The following PER3 variants were observed in gnomAD, a reference collection of about 807,000 sequenced individuals.
PER3 encodes the protein period circadian regulator 3.
Under a neutral mutation model 127.2 loss-of-function variants are expected in PER3, and 107 were observed. That is an observed-to-expected ratio of 0.84 (90% CI 0.72 to 0.99). The LOEUF (loss-of-function observed/expected upper bound fraction) is 0.99, where lower values mean the gene tolerates loss of function less well. Among genes scored for constraint, PER3 ranks in the 50% least tolerant of loss-of-function variants. The pLI is 0.00. For missense variants in PER3, 1,560 were observed against 1,525.8 expected, an observed-to-expected ratio of 1.02 and a Z score of -0.37; for synonymous variants, 618 against 585.8, an observed-to-expected ratio of 1.05 and a Z score of -0.79.
At position 7,784,699 on chromosome 1, in the gene PER3, G is replaced by T; in HGVS notation, c.-179G>T. On this transcript the variant is annotated 5_prime_UTR_variant, in exon 2 of 22. Transcript: ENST00000377532. ...GCGAGCTCCGGGTTTTGAAAATGTT[G>T]GAGGGAAAAGCTCCTCGGAGATGAG... 3.6e-6 allele frequency: 2 copies of T among 557,568 alleles called. No homozygotes were observed. Among genetic ancestry groups the T allele is most frequent in the Non-Finnish European group, 5.8e-6 (2 of 347,378 alleles). The allele number at this position is 557,568 out of a possible 1,614,324, so 34.5% of individuals were successfully genotyped here. A position where few individuals can be genotyped will look rare whatever the true frequency, so the allele number is the denominator to read the frequency against.
Position 7,803,763 on chromosome 1 carries a change from A to T in PER3, c.1051A>T (p.Ile351Phe). Residue 351 changes from isoleucine to phenylalanine, a missense_variant, in exon 10 of 22, where the codon ATC becomes TTC. By Grantham distance (21) the Ile-to-Phe change is conservative. Coordinates refer to ENST00000377532, the MANE Select transcript of PER3 (RefSeq NM_001377275.1). ...ATTTTGTACTCAAAACGGAGACTAC[A>T]TCATACTGGATTCCAGTTGGTCCAG... ...IRFCTQNGDYIILDSSWSSFV... is the reference protein window; with the variant it reads ...IRFCTQNGDYFILDSSWSSFV... 6.2e-7 allele frequency: 1 copy of T among 1,611,724 alleles called. No homozygotes were observed. The highest frequency in any genetic ancestry group is 8.5e-7 in the Non-Finnish European group (1 of 1,177,794).
intron 19 of PER3, among the ~76,000 whole-genome samples, chr1:7,831,128 A>G (rs111599939): frequency 6.6e-6 from 1 of 152,174 alleles, no homozygotes; most frequent in Non-Finnish European, 1.5e-5. Context: ...TAGGTCTTTA[A>G]TTCTTCTCAG....
chr1:7,826,383 A>G lies in PER3; in HGVS notation c.1958-97A>G. On this transcript the variant is annotated intron_variant, in intron 16 of 21. Coordinates refer to ENST00000377532, the MANE Select transcript of PER3 (RefSeq NM_001377275.1). The surrounding 1 kb of genome is among the most constrained non-coding windows in gnomAD (Gnocchi z 4.2). ...TTTTTCGTATTCCAGCAGTTATAAT[A>G]ATGTTTGTAAAAATGTATCAAAAGG... The G allele has an allele frequency of 1.4e-6, 1 of 702,766 alleles. No homozygotes were observed. Among genetic ancestry groups the G allele is most frequent in the East Asian group, 2.7e-5 (1 of 36,862 alleles). 43.5% of individuals were successfully genotyped at this position (702,766 alleles called of 1,614,324 possible).
At chr1:7,841,375 T>C (rs1010842901) in intron 21 of PER3, among the ~76,000 whole-genome samples, 3 of 152,026 alleles carry the variant, frequency 2.0e-5, no homozygotes, top group Non-Finnish European at 2.9e-5. Context: ...TCCCAGGGCT[T>C]ATTGATTCTT....
chr1:7,827,076 G>T (rs1166130305), intron 17 of PER3, 42 bp from the exon 18 acceptor site: 2 of 1,450,052 alleles, frequency 1.4e-6, no homozygotes, highest in African/African-American at 1.4e-5. Flanking sequence ...CTTCTTTTTG[G>T]GTTTAATTTT....
At chr1:7,835,650 TG>T in intron 19 of PER3, 111 bp from the exon 20 acceptor site, 1 of 690,250 alleles carries the variant, frequency 1.4e-6, no homozygotes, top group Non-Finnish European at 2.5e-6. Flanking sequence ...AAATGATGGT[TG>T]GGCTGGCTGA....
intron 18 of PER3, 142 bp downstream of exon 18, chr1:7,827,957 G>T (rs1000484374): frequency 1.3e-5 from 8 of 621,150 alleles, no homozygotes; most frequent in African/African-American, 3.7e-5. Context: ...GCCTAATTCT[G>T]TGTAAACATG....
intron 10 of PER3, among the ~76,000 whole-genome samples, chr1:7,807,852 G>T (rs375915273): frequency 6.6e-6 from 1 of 152,174 alleles, no homozygotes; most frequent in Non-Finnish European, 1.5e-5. Flanking sequence ...CCTGGAAAAG[G>T]TATTTAATCA....
chr1:7,798,591 T>C lies in PER3; in HGVS notation c.711T>C (p.His237=), dbSNP rs2097156333. The change falls in exon 7 of 22, where the codon CAT becomes CAC. Residue 237 remains histidine, a synonymous_variant. Coordinates refer to ENST00000377532, the MANE Select transcript of PER3 (RefSeq NM_001377275.1). Reference sequence around the variant, plus strand: ...TCCGGATCATCCCCTATCTGATTCATGTACATCACCCTGCCCAGCCAGAAT... The same window carrying C: ...TCCGGATCATCCCCTATCTGATTCACGTACATCACCCTGCCCAGCCAGAAT... ...SPFRIIPYLI[H]VHHPAQPELE... is the part of the protein sequence containing the mutation. 1 of 1,613,356 alleles carries C rather than the reference T, an allele frequency of 6.2e-7. No individual in the cohort carries two copies. Among genetic ancestry groups the C allele is most frequent in the Non-Finnish European group, 8.5e-7 (1 of 1,179,392 alleles).
At position 7,810,520 on chromosome 1, in the gene PER3, C is replaced by G; in HGVS notation, c.1454C>G (p.Ser485Ter). 6.2e-7 allele frequency: 1 copy of G among 1,613,666 alleles called. No homozygotes were observed. The highest frequency in any genetic ancestry group is 8.5e-7 in the Non-Finnish European group (1 of 1,179,842). Residue 485 changes from serine (S) to a stop codon, truncating the protein, a stop_gained, in exon 13 of 22, where the codon TCA becomes TGA. Transcript: ENST00000377532. LOFTEE classifies it high-confidence loss of function. The stretch of plus-strand genomic sequence containing the variant: ...CTCTACATTGAGTCAATGACCAAAT[C>G]ATCATTCAAGCCAGTGACGGGGACA... ...QQLYIESMTK[S>*]SFKPVTGTRT...
intron 13 of PER3, 198 bp downstream of exon 13, chr1:7,810,786 T>C: frequency 2.3e-6 from 1 of 442,282 alleles, no homozygotes; most frequent in Non-Finnish European, 4.0e-6. Flanking sequence ...TGAAAGGAAA[T>C]GGTATTAGAA....
intron 21 of PER3, among the ~76,000 whole-genome samples, chr1:7,839,495 C>CT (rs1340753789): frequency 6.6e-6 from 1 of 152,214 alleles, no homozygotes; most frequent in African/African-American, 2.4e-5. Context: ...GCTGAGATCT[C>CT]TATTTCTTCA....
At chr1:7,798,417 G>A in intron 6 of PER3, 108 bp from the exon 7 acceptor site, 1 of 794,582 alleles carries the variant, frequency 1.3e-6, no homozygotes. Context: ...TTTTAGATGT[G>A]GGTATGTCTG....
At chr1:7,810,293 G>C (rs2097213744) in intron 12 of PER3, 145 bp from the exon 13 acceptor site, 3 of 656,464 alleles carry the variant, frequency 4.6e-6, no homozygotes, top group Non-Finnish European at 7.7e-6. Flanking sequence ...ACTGTGGCAT[G>C]GTGCAGGAAA....
intron 6 of PER3, among the ~76,000 whole-genome samples, chr1:7,796,810 G>A (rs540448154): frequency 1.3e-5 from 2 of 152,322 alleles, no homozygotes; most frequent in African/African-American, 2.4e-5. Context: ...AAAAGGCCAA[G>A]AAGCGATATT....
rs370585303 is a variant in PER3, at chr1:7,785,468, T to C, written c.156T>C (p.Ser52=). The part of the protein sequence containing the change: ...HSEQQDRNRV[S]EELIMVVQEM... The stretch of plus-strand genomic sequence containing the variant: ...AACAGCAAGATCGAAACAGAGTTTC[T>C]GAAGAACTTATCATGGTTGTCCAAG... The change falls in exon 3 of 22, where the codon TCT becomes TCC. Residue 52 remains serine (S), a synonymous_variant. Transcript: ENST00000377532. The C allele has an allele frequency of 6.2e-7, 1 of 1,612,782 alleles. No individual in the cohort carries two copies. Among genetic ancestry groups the C allele is most frequent in the Non-Finnish European group, 8.5e-7 (1 of 1,178,870 alleles).
intron 9 of PER3, 125 bp from the exon 10 acceptor site, chr1:7,803,567 A>G (rs374381060): frequency 4.7e-6 from 3 of 644,040 alleles, no homozygotes; most frequent in Non-Finnish European, 5.3e-6. Context: ...CAGCCTAGGC[A>G]ACAGAGCGAG....
At chr1:7,788,510 G>T in intron 5 of PER3, 1 of 369,852 alleles carries the variant, frequency 2.7e-6, no homozygotes. Context: ...TTGTATAGTG[G>T]TTTAGTTGCT....
rs1377772359 is a variant in PER3, at chr1:7,844,356, G to A, written c.*1601G>A. On this transcript the variant is annotated 3_prime_UTR_variant, in exon 22 of 22. Transcript: ENST00000377532. ...TAGTCTGCTCCATCTTGATAGTTAAGTGATTTCTGAAGCGTTTGTGTGTGT... is the reference window on the plus strand; with the variant it reads ...TAGTCTGCTCCATCTTGATAGTTAAATGATTTCTGAAGCGTTTGTGTGTGT... The A allele has an allele frequency of 1.3e-5, 2 of 153,008 alleles. No individual in the cohort carries two copies. Among genetic ancestry groups the A allele is most frequent in the African/African-American group, 4.8e-5 (2 of 41,424 alleles). 9.5% of individuals were successfully genotyped at this position (153,008 alleles called of 1,614,324 possible). A position where few individuals can be genotyped will look rare whatever the true frequency, so the allele number is the denominator to read the frequency against.
Sources: gnomAD v4.1 joint callset for allele counts (sites outside exome capture counted in the v4.1 genomes callset) on GRCh38, gnomAD v4.1.1 for gene constraint, Gnocchi (gnomAD v3.1) non-coding constraint, MANE v1.5 for transcripts, NCBI Gene and HGNC (gene_info 2026-07-23, HGNC 2026-07-21) for gene names.